The following BNIP3L variants were observed in gnomAD, a reference collection of about 807,000 sequenced individuals.
BNIP3L encodes the protein BCL2 interacting protein 3 like.
In BNIP3L, 10 loss-of-function variants were observed where a neutral mutation model predicts 25.5. That is an observed-to-expected ratio of 0.39 (90% CI 0.24 to 0.67). BNIP3L has a LOEUF of 0.67. Among genes scored for constraint, BNIP3L ranks in the 30% least tolerant of loss-of-function variants. The pLI is 0.45. For missense variants in BNIP3L, 215 were observed against 270.9 expected (o/e 0.79, Z 1.45); for synonymous variants, 113 against 101.2 (o/e 1.12, Z -0.70).
At chr8:26,407,411 C>T (rs975024952) in intron 3 of BNIP3L, among the ~76,000 whole-genome samples, 3 of 152,002 alleles carry the variant, frequency 2.0e-5, no homozygotes, top group African/African-American at 7.3e-5. Context: ...TGGTCTCGAT[C>T]TCCTGACCTT....
chr8:26,393,974 C>T (rs1223029655), intron 2 of BNIP3L, among the ~76,000 whole-genome samples: 4 of 152,158 alleles, frequency 2.6e-5, no homozygotes, highest in African/African-American at 7.2e-5. Context: ...GTCTCACCAA[C>T]GTCTCTATAC....
At position 26,413,042 on chromosome 8, in the gene BNIP3L, C is replaced by A. The variant is rs1327112999; in HGVS notation, c.*2630C>A. 1 of 152,642 alleles carries A rather than the reference C, an allele frequency of 6.6e-6. No individual in the cohort carries two copies. The highest frequency in any genetic ancestry group is 1.9e-4 in the East Asian group (1 of 5,204). 9.5% of individuals were successfully genotyped at this position (152,642 alleles called of 1,614,324 possible). ...TGCATTCTTCATCTATTTTAGTTAG[C>A]ACTTTGTATCGTTATATACAGTTTA... is the stretch of plus-strand genomic sequence containing the variant. On this transcript the variant is annotated 3_prime_UTR_variant, in exon 6 of 6. Coordinates refer to ENST00000380629, the MANE Select transcript of BNIP3L (RefSeq NM_004331.3). The surrounding 1 kb of genome is among the most constrained non-coding windows in gnomAD (Gnocchi z 5.2).
intron 2 of BNIP3L, among the ~76,000 whole-genome samples, chr8:26,393,778 C>T (rs1563339248): frequency 6.6e-6 from 1 of 152,052 alleles, no homozygotes; most frequent in African/African-American, 2.4e-5. Flanking sequence ...GTGCCCAGTT[C>T]GGGTTGACTC....
At chr8:26,406,247 A>G (rs1438908536) in intron 3 of BNIP3L, among the ~76,000 whole-genome samples, 2 of 152,324 alleles carry the variant, frequency 1.3e-5, no homozygotes, top group Middle Eastern at 3.4e-3. Flanking sequence ...TCAACTTATT[A>G]TAGATTATTC....
intron 1 of BNIP3L, among the ~76,000 whole-genome samples, chr8:26,389,768 AT>A (rs1159881461): frequency 6.6e-6 from 1 of 152,192 alleles, no homozygotes; most frequent in African/African-American, 2.4e-5. Flanking sequence ...ACAGGAAGTG[AT>A]GGGGTCAGAT....
In BNIP3L at chr8:26,411,568, C is replaced by G. The variant is rs1355549281; in HGVS notation, c.*1156C>G. 4 of 152,414 alleles carry G rather than the reference C, an allele frequency of 2.6e-5. No homozygotes were observed. Among genetic ancestry groups the G allele is most frequent in the African/African-American group, 4.8e-5 (2 of 41,454 alleles). The allele number at this position is 152,414 out of a possible 1,614,324, so 9.4% of individuals were successfully genotyped here. A position where few individuals can be genotyped will look rare whatever the true frequency, so the allele number is the denominator to read the frequency against. ...ACTGTACAGTCTTCCCAAGGTGATT[C>G]CTGCGACTGCAGGCACTGGTCATTT... On this transcript the variant is annotated 3_prime_UTR_variant, in exon 6 of 6. Coordinates refer to ENST00000380629, the MANE Select transcript of BNIP3L (RefSeq NM_004331.3).
At chr8:26,395,143 A>T in intron 2 of BNIP3L, 87 bp from the exon 3 acceptor site, 1 of 1,413,068 alleles carries the variant, frequency 7.1e-7, no homozygotes, top group Non-Finnish European at 9.8e-7. Context: ...ATACTGCTGT[A>T]ACTTTTAATT....
Position 26,383,056 on chromosome 8 carries a change from ACT to A in BNIP3L, c.-73_-72del. On this transcript the variant is annotated 5_prime_UTR_variant, in exon 1 of 6. Coordinates refer to ENST00000380629, the MANE Select transcript of BNIP3L (RefSeq NM_004331.3). Reference sequence around the variant, plus strand: ...GCAGGCGCAGAAAAGGGGGCGGCGGACTCGGCTTGTTGTGTTGCTGCCTGAGT... The same window carrying A: ...GCAGGCGCAGAAAAGGGGGCGGCGGACGGCTTGTTGTGTTGCTGCCTGAGT... 7 of 1,384,716 alleles carry A rather than the reference ACT, an allele frequency of 5.1e-6. No individual in the cohort carries two copies. Among genetic ancestry groups the A allele is most frequent in the African/African-American group, 1.4e-5 (1 of 69,408 alleles). The allele number at this position is 1,384,716 out of a possible 1,614,324, so 85.8% of individuals were successfully genotyped here. A position where few individuals can be genotyped will look rare whatever the true frequency, so the allele number is the denominator to read the frequency against.
intron 3 of BNIP3L, among the ~76,000 whole-genome samples, chr8:26,398,689 G>A (rs1298490711): frequency 1.4e-5 from 2 of 143,822 alleles, no homozygotes; most frequent in African/African-American, 5.2e-5. Flanking sequence ...CCAGGAGCTG[G>A]TTTTTTGAAA....
chr8:26,385,729 C>A (rs1040134899), intron 1 of BNIP3L, among the ~76,000 whole-genome samples: 1 of 152,110 alleles, frequency 6.6e-6, no homozygotes, highest in African/African-American at 2.4e-5. Context: ...TCAGCTCTTA[C>A]AGAGGTGGAA....
chr8:26,408,520 A>G (rs1806549172), intron 5 of BNIP3L, 144 bp downstream of exon 5: 2 of 958,244 alleles, frequency 2.1e-6, no homozygotes, highest in Non-Finnish European at 3.1e-6. Context: ...AAGTGGGTGC[A>G]CAATTGTTCT....
chr8:26,383,121 C>T lies in BNIP3L; in HGVS notation c.-10C>T, dbSNP rs1055476. 8.7e-6 allele frequency: 14 copies of T among 1,603,252 alleles called. No individual in the cohort carries two copies. The highest frequency in any genetic ancestry group is 1.1e-5 in the South Asian group (1 of 90,106). On this transcript the variant is annotated 5_prime_UTR_variant, in exon 1 of 6. Coordinates refer to ENST00000380629, the MANE Select transcript of BNIP3L (RefSeq NM_004331.3). ...CCTGCTGCTGCCGCAGTCCTGCCAG[C>T]TGTCCGACAATGTCGTCCCACCTAG...
At chr8:26,384,092 C>A (rs1464702076) in intron 1 of BNIP3L, among the ~76,000 whole-genome samples, 1 of 152,174 alleles carries the variant, frequency 6.6e-6, no homozygotes, top group Admixed American at 6.5e-5. Context: ...TCATAACATT[C>A]CGCTGCCCAG....
chr8:26,383,284 GGCCGCCGCCACC>G, intron 1 of BNIP3L, 54 bp downstream of exon 1: 2 of 1,562,162 alleles, frequency 1.3e-6, no homozygotes, highest in Non-Finnish European at 1.7e-6. Flanking sequence ...GAGCAGCCCC[GGCCGCCGCCACC>G]GGCGCGGCGC....
intron 3 of BNIP3L, among the ~76,000 whole-genome samples, chr8:26,400,793 C>T (rs1806352171): frequency 1.2e-5 from 1 of 82,642 alleles, no homozygotes; most frequent in Non-Finnish European, 2.5e-5. Context: ...GACAGTTATG[C>T]AGCCAAAAAA....
Position 26,410,540 on chromosome 8 carries a change from C to A in BNIP3L, c.*128C>A. On this transcript the variant is annotated 3_prime_UTR_variant, in exon 6 of 6. Transcript: ENST00000380629. ...CACCCTGTTTTTACATATCCAATTC[C>A]AGTAACTCTCAAATTCAATATTTTA... The A allele has an allele frequency of 2.0e-6, 2 of 1,010,800 alleles. No individual in the cohort carries two copies. The highest frequency in any genetic ancestry group is 3.1e-6 in the Non-Finnish European group (2 of 654,718). 62.6% of individuals were successfully genotyped at this position (1,010,800 alleles called of 1,614,324 possible).
chr8:26,404,744 G>A (rs896235768), intron 3 of BNIP3L, among the ~76,000 whole-genome samples: 35 of 152,326 alleles, frequency 2.3e-4, no homozygotes, highest in African/African-American at 7.5e-4. Context: ...CTAACCTCAA[G>A]TGATCCGTCC....
At position 26,395,310 on chromosome 8, in the gene BNIP3L, G is replaced by A. The variant is rs764750639; in HGVS notation, c.357+8G>A. The A allele has an allele frequency of 9.9e-6, 16 of 1,611,332 alleles. No individual in the cohort carries two copies. The highest frequency in any genetic ancestry group is 1.6e-4 in the Middle Eastern group (1 of 6,082). On this transcript the variant is annotated splice_region_variant and intron_variant, in intron 3 of 5. Coordinates refer to ENST00000380629, the MANE Select transcript of BNIP3L (RefSeq NM_004331.3). ...AGGGACCATAGCTCTCAGGTGTGTC[G>A]GGGGGATTCTGATTTACAGTAAACA...
chr8:26,391,887 C>T (rs937989755), intron 2 of BNIP3L, among the ~76,000 whole-genome samples: 1 of 152,158 alleles, frequency 6.6e-6, no homozygotes, highest in East Asian at 1.9e-4. Context: ...GGTGCTGGCA[C>T]GTAGTAGACA....
Sources: allele counts gnomAD v4.1 joint callset (sites outside exome capture counted in the v4.1 genomes callset), GRCh38; gene constraint gnomAD v4.1.1; non-coding constraint Gnocchi (gnomAD v3.1); transcripts MANE v1.5; gene names NCBI Gene and HGNC (gene_info 2026-07-23, HGNC 2026-07-21).